Variants in RFX4 observed in about 807,000 individuals in gnomAD.
RFX4 encodes transcription factor RFX4.
A neutral mutation model predicts 95.0 loss-of-function variants in RFX4; 10 were observed. The ratio of observed to expected loss-of-function variants is 0.11; its 90% CI spans 0.06 to 0.18. The LOEUF is 0.18. Among genes scored for constraint, RFX4 ranks in the 10% least tolerant of loss-of-function variants. RFX4 has a pLI of 1.00. For synonymous variants in RFX4, 321 were observed against 340.7 expected (o/e 0.94, Z 0.64); for missense variants, 640 against 922.0 (o/e 0.69, Z 3.96).
At chr12:106,681,806 C>T (rs2041520942) in intron 4 of RFX4, among the ~76,000 whole-genome samples, 187 bp from the exon 5 acceptor site, 1 of 152,102 alleles carries the variant, frequency 6.6e-6, no homozygotes, top group African/African-American at 2.4e-5. Flanking sequence ...TCCAGAGCCC[C>T]ACAACCATCC....
At chr12:106,630,462 G>C (rs1168333660) in intron 2 of RFX4, among the ~76,000 whole-genome samples, 1 of 152,180 alleles carries the variant, frequency 6.6e-6, no homozygotes, top group East Asian at 1.9e-4. Flanking sequence ...CGTTCCCACG[G>C]GGAGAAGGGT....
chr12:106,584,042 G>A (rs34311140), intron 1 of RFX4, among the ~76,000 whole-genome samples: 9,239 of 152,288 alleles, frequency 0.061, 347 homozygotes, highest in Non-Finnish European at 0.095. Flanking sequence ...TGGAGGGAGG[G>A]CAGGACGCAG....
chr12:106,615,497 T>C (rs368407219), intron 2 of RFX4, among the ~76,000 whole-genome samples: 2 of 152,238 alleles, frequency 1.3e-5, no homozygotes, highest in African/African-American at 4.8e-5. Flanking sequence ...GAATTAGTTG[T>C]CATTTTTTCA....
At chr12:106,744,139 G>A (rs1003977007) in intron 15 of RFX4, among the ~76,000 whole-genome samples, 14 of 152,108 alleles carry the variant, frequency 9.2e-5, no homozygotes, top group African/African-American at 2.9e-4. Flanking sequence ...CATAGAGGAG[G>A]GCAATTATGC....
rs554043273 is a variant in RFX4 at position 106,698,695 on chromosome 12, CTTCT to C, written c.833+2252_833+2255del. 1.5e-4 allele frequency among the ~76,000 whole-genome samples: 22 copies of C among 151,136 alleles called. No individual in the cohort carries two copies. The South Asian group carries it at 3.8e-3, about 26-fold the overall frequency. Reference sequence around the variant, plus strand: ...AAATGCATTGAAAAGTGTTCCCTCTCTTCTTTTTTTTTTTAATTCATAATATTTT... The same window carrying C: ...AAATGCATTGAAAAGTGTTCCCTCTCTTTTTTTTTTAATTCATAATATTTT... On this transcript the variant is annotated intron_variant, in intron 8 of 17. Transcript: ENST00000392842.
At chr12:106,714,300 G>A (rs2042248262) in intron 10 of RFX4, among the ~76,000 whole-genome samples, 1 of 152,066 alleles carries the variant, frequency 6.6e-6, no homozygotes, top group Non-Finnish European at 1.5e-5. Context: ...ACGAGGCCAG[G>A]ATTTGAACTA....
At chr12:106,710,110 T>C (rs2042163578) in intron 9 of RFX4, among the ~76,000 whole-genome samples, 1 of 152,234 alleles carries the variant, frequency 6.6e-6, no homozygotes, top group African/African-American at 2.4e-5. Flanking sequence ...CATGTACCGT[T>C]CGTTTGCTGC....
At chr12:106,700,082 A>T (rs945691446) in intron 8 of RFX4, among the ~76,000 whole-genome samples, 1 of 152,060 alleles carries the variant, frequency 6.6e-6, no homozygotes, top group African/African-American at 2.4e-5. Flanking sequence ...CTCCAGCTGG[A>T]GTACAGTGGC....
At chr12:106,674,623 C>G (rs1272048602) in intron 4 of RFX4, among the ~76,000 whole-genome samples, 1 of 151,328 alleles carries the variant, frequency 6.6e-6, no homozygotes. Flanking sequence ...AACCACCGTG[C>G]CTGGCCCCCA....
intron 6 of RFX4, among the ~76,000 whole-genome samples, chr12:106,687,542 T>C (rs888378498): frequency 2.4e-5 from 3 of 126,812 alleles, no homozygotes; most frequent in African/African-American, 6.3e-5. Context: ...AGAGCGAAAC[T>C]CCATCTCAAA....
In RFX4 at chr12:106,760,305, C is replaced by G. The variant is rs542659637; in HGVS notation, c.1936-892C>G. ...AAGGAAGCCCATAGCTCCTCCCCTT[C>G]CTCCCCTCTGATCCTACTAACGGGC... On this transcript the variant is annotated intron_variant, in intron 17 of 17. Coordinates refer to ENST00000392842, the MANE Select transcript of RFX4 (RefSeq NM_213594.3). Among the ~76,000 whole-genome samples, 7 of 152,294 alleles carry G rather than the reference C, an allele frequency of 4.6e-5. No individual in the cohort carries two copies. In the East Asian group the frequency reaches 1.4e-3, roughly 29 times the overall value.
intron 17 of RFX4, among the ~76,000 whole-genome samples, chr12:106,759,691 G>A (rs527847291): frequency 3.3e-5 from 5 of 152,276 alleles, no homozygotes; most frequent in East Asian, 1.9e-4. Context: ...AAGCCTTGGC[G>A]TGCTGTCCAT....
chr12:106,745,812 C>T (rs187774361), intron 15 of RFX4, among the ~76,000 whole-genome samples: 14 of 152,288 alleles, frequency 9.2e-5, no homozygotes, highest in Admixed American at 7.2e-4. Context: ...AATCCCATTA[C>T]CTCTGCCTTC....
chr12:106,593,693 A>C (rs1455363791), intron 1 of RFX4, among the ~76,000 whole-genome samples: 1 of 152,244 alleles, frequency 6.6e-6, no homozygotes, highest in African/African-American at 2.4e-5. Flanking sequence ...TATAGGATTT[A>C]TAATTTTTAA....
chr12:106,587,749 C>A (rs1170997225), intron 1 of RFX4, among the ~76,000 whole-genome samples: 3 of 152,194 alleles, frequency 2.0e-5, no homozygotes, highest in Non-Finnish European at 4.4e-5. Context: ...CCGTGGGTCG[C>A]CCAGGGTGAG....
intron 13 of RFX4, among the ~76,000 whole-genome samples, chr12:106,730,103 G>A (rs902663347): frequency 6.6e-6 from 1 of 152,014 alleles, no homozygotes; most frequent in Admixed American, 6.6e-5. Flanking sequence ...TAGAGAGAGG[G>A]GGTCATGTTC....
chr12:106,657,490 A>G (rs972668883), intron 4 of RFX4, among the ~76,000 whole-genome samples: 2 of 152,162 alleles, frequency 1.3e-5, no homozygotes, highest in Non-Finnish European at 2.9e-5. Context: ...CCAAGCCCCA[A>G]AAACACCGGC....
intron 15 of RFX4, among the ~76,000 whole-genome samples, chr12:106,741,726 T>C (rs967381710): frequency 6.6e-6 from 1 of 152,074 alleles, no homozygotes; most frequent in African/African-American, 2.4e-5. Flanking sequence ...AAGGAAAAGG[T>C]TAAAGCAGTG....
intron 15 of RFX4, among the ~76,000 whole-genome samples, chr12:106,733,729 C>T (rs903573526): frequency 6.6e-6 from 1 of 152,132 alleles, no homozygotes; most frequent in African/African-American, 2.4e-5. Flanking sequence ...TAGCATGAGG[C>T]TGATGCTACC....
Sources: gnomAD v4.1 joint callset for allele counts (sites outside exome capture counted in the v4.1 genomes callset) on GRCh38, gnomAD v4.1.1 for gene constraint, MANE v1.5 for transcripts, NCBI Gene and HGNC (gene_info 2026-07-23, HGNC 2026-07-21) for gene names.